SRP54: variants seen among roughly 807,000 people sequenced by gnomAD.
SRP54 encodes the protein signal recognition particle 54.
In SRP54, 10 loss-of-function variants were observed where a neutral mutation model predicts 64.8. The observed-to-expected ratio is 0.15, with a 90% CI of 0.10 to 0.26. The LOEUF (loss-of-function observed/expected upper bound fraction) is 0.26. Ranked by LOEUF, SRP54 falls within the 10% of genes least tolerant of loss-of-function variation. The probability of loss-of-function intolerance (pLI) is 1.00; values close to 1 mark genes in which losing one functional copy is unlikely to be tolerated. For missense variants in SRP54, 325 were observed against 613.7 expected, an observed-to-expected ratio of 0.53 and a Z score of 4.97; for synonymous variants, 193 against 185.6, an observed-to-expected ratio of 1.04 and a Z score of -0.32.
intron 13 of SRP54, among the ~76,000 whole-genome samples, 200 bp from the exon 14 acceptor site, chr14:35,022,709 TA>T: frequency 6.6e-6 from 1 of 152,298 alleles, no homozygotes; most frequent in Non-Finnish European, 1.5e-5. Flanking sequence ...TAACATTTGT[TA>T]AATCTGGGTG....
At chr14:34,991,109 C>CTTTTTTTTTTTTTTTTTTTTTTTTTTT (rs71435838) in intron 1 of SRP54, among the ~76,000 whole-genome samples, 1 of 111,086 alleles carries the variant, frequency 9.0e-6, no homozygotes, top group Non-Finnish European at 1.9e-5. Context: ...AATTTCTTTT[C>CTTTTTTTTTTTTTTTTTTTTTTTTTTT]TTTTTTTTTT....
At chr14:34,990,838 T>TA (rs2043965274) in intron 1 of SRP54, among the ~76,000 whole-genome samples, 1 of 152,240 alleles carries the variant, frequency 6.6e-6, no homozygotes, top group African/African-American at 2.4e-5. Flanking sequence ...CAGTACAAAT[T>TA]ACCCAAGTTA....
chr14:34,997,009 GA>G (rs1473633697), intron 2 of SRP54: 4 of 410,104 alleles, frequency 9.8e-6, no homozygotes, highest in Admixed American at 4.1e-5. Context: ...AAAAAAAATC[GA>G]AAAAAACCTG....
intron 1 of SRP54, among the ~76,000 whole-genome samples, chr14:34,988,005 T>C (rs907747057): frequency 1.3e-5 from 2 of 152,180 alleles, no homozygotes; most frequent in African/African-American, 2.4e-5. Flanking sequence ...CTTAAATTAA[T>C]ATACCTAGAA....
chr14:35,007,453 TTTAA>T (rs2044274896), intron 5 of SRP54, 66 bp downstream of exon 5: 1 of 951,276 alleles, frequency 1.1e-6, no homozygotes. Context: ...AAGTTTTGTA[TTTAA>T]TATAAAAATG....
At chr14:35,014,972 A>C (rs2044414816) in intron 11 of SRP54, 142 bp downstream of exon 11, 2 of 556,236 alleles carry the variant, frequency 3.6e-6, no homozygotes, top group South Asian at 5.1e-5. Flanking sequence ...TTTATATGCA[A>C]ATCATTTAAA....
intron 2 of SRP54, 71 bp from the exon 3 acceptor site, chr14:34,999,487 C>T (rs919688957): frequency 1.7e-6 from 2 of 1,158,184 alleles, no homozygotes; most frequent in African/African-American, 1.5e-5. Flanking sequence ...TGTAAGTGAT[C>T]AACAATTGTT....
chr14:35,010,506 C>T lies in SRP54; in HGVS notation c.486-1003C>T, dbSNP rs534418444. 2.6e-5 allele frequency among the ~76,000 whole-genome samples: 4 copies of T among 152,096 alleles called. No homozygotes were observed. The South Asian group carries it at 8.3e-4, about 32-fold the overall frequency. ...TGGAGGCCAGGCATGATGGCTCATGCATGTGATCCCAGCATTTTGGGAGGC... is the reference window on the plus strand; with the variant it reads ...TGGAGGCCAGGCATGATGGCTCATGTATGTGATCCCAGCATTTTGGGAGGC... On this transcript the variant is annotated intron_variant, in intron 7 of 15. Coordinates refer to ENST00000216774, the MANE Select transcript of SRP54 (RefSeq NM_003136.4).
At chr14:35,014,659 G>C in intron 10 of SRP54, 85 bp from the exon 11 acceptor site, 3 of 1,024,042 alleles carry the variant, frequency 2.9e-6, no homozygotes, top group Non-Finnish European at 3.0e-6. Flanking sequence ...AACCTCACAA[G>C]GTTATTATGT....
At chr14:34,999,039 A>G (rs948074880) in intron 2 of SRP54, among the ~76,000 whole-genome samples, 5 of 111,418 alleles carry the variant, frequency 4.5e-5, no homozygotes, top group Admixed American at 1.1e-4. Context: ...TTTTGAGACA[A>G]AGTCTCACTC....
Position 35,007,375 on chromosome 14 carries a change from A to G in SRP54, c.348A>G (p.Thr116=). ...FVGLQGSGKT[T]TCSKLAYYYQ... is the part of the protein sequence containing the mutation. ...GATTGCAAGGGAGTGGTAAAACAAC[A>G]ACATGTTCAAAGGTAAATTGAACTT... is the stretch of plus-strand genomic sequence containing the variant. The change falls in exon 5 of 16, where the codon ACA becomes ACG. Residue 116 remains threonine, a synonymous_variant. Transcript: ENST00000216774. 1.3e-6 allele frequency: 2 copies of G among 1,584,326 alleles called. No individual in the cohort carries two copies. The highest frequency in any genetic ancestry group is 1.7e-6 in the Non-Finnish European group (2 of 1,160,454).
At chr14:35,004,284 G>T (rs1266082562) in intron 4 of SRP54, among the ~76,000 whole-genome samples, 1 of 152,064 alleles carries the variant, frequency 6.6e-6, no homozygotes, top group Non-Finnish European at 1.5e-5. Flanking sequence ...TCTATCATCT[G>T]TCTCTATCAT....
intron 1 of SRP54, among the ~76,000 whole-genome samples, chr14:34,994,238 A>T (rs1185107743): frequency 6.6e-6 from 1 of 151,642 alleles, no homozygotes; most frequent in Non-Finnish European, 1.5e-5. Context: ...ACCTCAGATG[A>T]TCCACCCACC....
chr14:34,985,460 G>C (rs2043880512), intron 1 of SRP54, among the ~76,000 whole-genome samples: 1 of 151,990 alleles, frequency 6.6e-6, no homozygotes, highest in African/African-American at 2.4e-5. Context: ...TAACCATTTG[G>C]TCATTAGATT....
chr14:34,988,367 TC>T (rs1369164532), intron 1 of SRP54, among the ~76,000 whole-genome samples: 1 of 150,510 alleles, frequency 6.6e-6, no homozygotes, highest in Admixed American at 6.7e-5. Flanking sequence ...GTCGAGACCA[TC>T]CTGGCCAACA....
chr14:34,992,979 A>G (rs756152762), intron 1 of SRP54, among the ~76,000 whole-genome samples: 7 of 151,500 alleles, frequency 4.6e-5, no homozygotes, highest in African/African-American at 7.3e-5. Flanking sequence ...CCTGCCTCAC[A>G]CTCCTGAGTA....
chr14:34,985,550 A>G (rs1233555520), intron 1 of SRP54, among the ~76,000 whole-genome samples: 2 of 152,128 alleles, frequency 1.3e-5, no homozygotes, highest in African/African-American at 4.8e-5. Context: ...AGCCTTATGG[A>G]GTATGGGTAG....
At chr14:34,994,097 G>A (rs1053873171) in intron 1 of SRP54, among the ~76,000 whole-genome samples, 2 of 152,028 alleles carry the variant, frequency 1.3e-5, no homozygotes, top group Non-Finnish European at 1.5e-5. Context: ...ATCTTCAAGC[G>A]ATTCTCCTGC....
At position 34,996,760 on chromosome 14, in the gene SRP54, G is replaced by A; in HGVS notation, c.51G>A (p.Leu17=). The A allele has an allele frequency of 6.2e-7, 1 of 1,612,994 alleles. No individual in the cohort carries two copies. Among genetic ancestry groups the A allele is most frequent in the Non-Finnish European group, 8.5e-7 (1 of 1,179,106 alleles). The change falls in exon 2 of 16, where the codon TTG becomes TTA. Residue 17 remains leucine, a synonymous_variant. Coordinates refer to ENST00000216774, the MANE Select transcript of SRP54 (RefSeq NM_003136.4). The part of the protein sequence containing the change: ...GRKITSALRS[L]SNATIINEEV... ...AAATAACATCAGCATTACGCTCGTT[G>A]AGCAATGCCACCATTATCAATGAAG...
Sources: allele counts gnomAD v4.1 joint callset (sites outside exome capture counted in the v4.1 genomes callset), GRCh38; gene constraint gnomAD v4.1.1; transcripts MANE v1.5; gene names NCBI Gene and HGNC (gene_info 2026-07-23, HGNC 2026-07-21).